Variants in SYT1 observed in about 807,000 individuals in gnomAD.
The protein encoded by SYT1 is synaptotagmin 1.
In SYT1, 8 loss-of-function variants were observed where a neutral mutation model predicts 44.8. That is an observed-to-expected ratio of 0.18 (90% CI 0.10 to 0.32). The LOEUF (loss-of-function observed/expected upper bound fraction) is 0.32. SYT1 is among the 10% of genes least tolerant of loss of function. SYT1 has a pLI of 1.00. For synonymous variants in SYT1, 154 were observed against 188.8 expected (o/e 0.82, Z 1.51); for missense variants, 286 against 509.3 (o/e 0.56, Z 4.22).
chr12:79,445,159 ATTTAT>A (rs1442737072), intron 10 of SYT1, among the ~76,000 whole-genome samples: 1 of 152,068 alleles, frequency 6.6e-6, no homozygotes, highest in East Asian at 1.9e-4. Flanking sequence ...AATACTCTTT[ATTTAT>A]TTTATTTTAT....
At chr12:79,095,276 A>C (rs1323960879) in intron 3 of SYT1, among the ~76,000 whole-genome samples, 1 of 151,930 alleles carries the variant, frequency 6.6e-6, no homozygotes, top group East Asian at 1.9e-4. Context: ...TGTACTGAAA[A>C]AAATGGAGGT....
chr12:79,016,614 A>G (rs534967347), intron 2 of SYT1, among the ~76,000 whole-genome samples: 43 of 152,128 alleles, frequency 2.8e-4, no homozygotes, highest in Non-Finnish European at 5.4e-4. Context: ...GAAAAACTCA[A>G]TTACAAAATC....
intron 1 of SYT1, among the ~76,000 whole-genome samples, chr12:78,876,817 T>TAATATATATGTATTA: frequency 3.3e-5 from 1 of 30,312 alleles, no homozygotes; most frequent in South Asian, 6.6e-4. Context: ...GTAATACATA[T>TAATATATATGTATTA]CATATATTAT....
intron 3 of SYT1, among the ~76,000 whole-genome samples, chr12:79,060,115 G>A (rs1044133591): frequency 2.0e-5 from 3 of 152,052 alleles, no homozygotes; most frequent in African/African-American, 4.8e-5. Flanking sequence ...CTGACACAGC[G>A]AAGGTGCTCA....
At chr12:78,997,712 T>C (rs2137515375) in intron 2 of SYT1, among the ~76,000 whole-genome samples, 1 of 151,894 alleles carries the variant, frequency 6.6e-6, no homozygotes, top group East Asian at 1.9e-4. Flanking sequence ...ACAGTGGAGT[T>C]TGGATGAGAT....
At chr12:78,893,186 T>C (rs1361304108) in intron 1 of SYT1, among the ~76,000 whole-genome samples, 5 of 151,814 alleles carry the variant, frequency 3.3e-5, no homozygotes, top group African/African-American at 9.7e-5. Flanking sequence ...AGAGCAACCA[T>C]GACTAACAGT....
intron 1 of SYT1, among the ~76,000 whole-genome samples, chr12:78,885,367 G>C (rs1438424815): frequency 2.4e-4 from 36 of 147,428 alleles, no homozygotes; most frequent in Non-Finnish European, 4.3e-4. Context: ...AAGGAAGGAA[G>C]GAAGGGAGGG....
At chr12:78,911,091 TATC>T (rs1189933309) in intron 1 of SYT1, among the ~76,000 whole-genome samples, 1 of 152,020 alleles carries the variant, frequency 6.6e-6, no homozygotes, top group African/African-American at 2.4e-5. Context: ...ATTTTTAAAT[TATC>T]ATCCAAGCTT....
chr12:79,277,621 G>A (rs555072773), intron 4 of SYT1, among the ~76,000 whole-genome samples: 1 of 152,184 alleles, frequency 6.6e-6, no homozygotes, highest in East Asian at 1.9e-4. Flanking sequence ...AGAATACAAA[G>A]CAATTAATGA....
rs913742693 is a variant in SYT1, at chr12:78,978,101, T to C, written c.-84+170T>C. ...AATTCTTGTGATATTAAGGGGAAAT[T>C]AGTGTTTGTCACATATTCTGAAATT... On this transcript the variant is annotated intron_variant, in intron 2 of 10. Coordinates refer to ENST00000261205, the MANE Select transcript of SYT1 (RefSeq NM_005639.3). Among the ~76,000 whole-genome samples the C allele has an allele frequency of 4.6e-5, 7 of 152,324 alleles. No homozygotes were observed. In the South Asian group the frequency reaches 6.2e-4, roughly 14 times the overall value.
chr12:79,356,965 T>C (rs1883137343), intron 9 of SYT1, among the ~76,000 whole-genome samples: 1 of 152,204 alleles, frequency 6.6e-6, no homozygotes, highest in Admixed American at 6.5e-5. Flanking sequence ...GAAAAAAAGT[T>C]TATCTTATTG....
intron 1 of SYT1, among the ~76,000 whole-genome samples, chr12:78,966,379 G>C (rs573163123): frequency 6.6e-6 from 1 of 151,902 alleles, no homozygotes; most frequent in Non-Finnish European, 1.5e-5. Context: ...TTTTAAAGAA[G>C]TGAAAACCCA....
intron 4 of SYT1, among the ~76,000 whole-genome samples, chr12:79,275,478 C>T (rs1878664804): frequency 6.6e-6 from 1 of 152,078 alleles, no homozygotes; most frequent in East Asian, 1.9e-4. Context: ...TCCACTCCCC[C>T]TCTACATGAA....
chr12:79,200,042 A>G (rs577625451), intron 3 of SYT1, among the ~76,000 whole-genome samples: 46 of 152,214 alleles, frequency 3.0e-4, no homozygotes, highest in African/African-American at 1.1e-3. Context: ...TCCTGGTGAC[A>G]TCTTAACCAC....
intron 3 of SYT1, among the ~76,000 whole-genome samples, chr12:79,097,398 G>A (rs61929022): frequency 0.15 from 23,109 of 151,846 alleles, 1,869 homozygotes; most frequent in African/African-American, 0.19. Flanking sequence ...ATAATATATT[G>A]TCATCCTCTA....
chr12:79,017,874 G>T (rs1052122504), intron 2 of SYT1, among the ~76,000 whole-genome samples: 12 of 152,072 alleles, frequency 7.9e-5, no homozygotes, highest in African/African-American at 2.9e-4. Context: ...TAGAAGTCAT[G>T]GCATGGTCCA....
chr12:78,914,643 A>G (rs1876544382), intron 1 of SYT1, among the ~76,000 whole-genome samples: 1 of 151,992 alleles, frequency 6.6e-6, no homozygotes, highest in Non-Finnish European at 1.5e-5. Context: ...AGACATATGA[A>G]TTACAGCTCA....
At chr12:78,915,384 C>T (rs141625635) in intron 1 of SYT1, among the ~76,000 whole-genome samples, 15 of 152,056 alleles carry the variant, frequency 9.9e-5, no homozygotes, top group South Asian at 2.1e-4. Context: ...AGGTTAAGAA[C>T]CACAGGCTGC....
intron 2 of SYT1, among the ~76,000 whole-genome samples, chr12:79,027,135 C>T (rs779690698): frequency 1.3e-5 from 2 of 151,542 alleles, no homozygotes; most frequent in Non-Finnish European, 1.5e-5. Flanking sequence ...GGCCACTGAG[C>T]CTTCAGCTCT....
Sources: gnomAD v4.1 joint callset for allele counts (sites outside exome capture counted in the v4.1 genomes callset) on GRCh38, gnomAD v4.1.1 for gene constraint, MANE v1.5 for transcripts, NCBI Gene and HGNC (gene_info 2026-07-23, HGNC 2026-07-21) for gene names.